The following BABAM2 variants were observed in gnomAD, a reference collection of about 807,000 sequenced individuals.
BABAM2 encodes the protein BRISC and BRCA1 A complex member 2, also known as BRISC and BRCA1-A complex member 2.
Under a neutral mutation model 54.7 loss-of-function variants are expected in BABAM2, and 31 were observed. That is an observed-to-expected ratio of 0.57 (90% CI 0.43 to 0.77). BABAM2 has a LOEUF of 0.77. Among genes scored for constraint, BABAM2 ranks in the 30% least tolerant of loss-of-function variants. The pLI is 0.00. For synonymous variants in BABAM2, 167 were observed against 162.9 expected (o/e 1.03, Z -0.19); for missense variants, 364 against 455.8 (o/e 0.80, Z 1.83).
chr2:28,028,504 A>G (rs1274287765), intron 5 of BABAM2, among the ~76,000 whole-genome samples: 1 of 150,968 alleles, frequency 6.6e-6, no homozygotes, highest in Non-Finnish European at 1.5e-5. Context: ...GATTATGTTT[A>G]TTGTGTGTCT....
intron 6 of BABAM2, among the ~76,000 whole-genome samples, chr2:28,083,101 G>A (rs1665323596): frequency 6.6e-6 from 1 of 151,992 alleles, no homozygotes; most frequent in South Asian, 2.1e-4. Context: ...CTCCATTTCT[G>A]CTCCCCACCT....
chr2:28,182,909 G>A (rs183571791), intron 7 of BABAM2, among the ~76,000 whole-genome samples: 1 of 152,140 alleles, frequency 6.6e-6, no homozygotes, highest in Admixed American at 6.5e-5. Context: ...AGTGTCCCTC[G>A]TGCTTGAAAA....
At chr2:28,287,050 TCA>T (rs1449292039) in intron 10 of BABAM2, among the ~76,000 whole-genome samples, 4 of 152,324 alleles carry the variant, frequency 2.6e-5, no homozygotes, top group South Asian at 4.2e-4. Flanking sequence ...TCTAACTGCT[TCA>T]TTCTAATTTT....
intron 8 of BABAM2, among the ~76,000 whole-genome samples, chr2:28,239,971 CA>C (rs1168283934): frequency 6.6e-6 from 1 of 152,072 alleles, no homozygotes; most frequent in Non-Finnish European, 1.5e-5. Flanking sequence ...GTTTTCTTGC[CA>C]AAAATGTTCA....
chr2:27,987,645 T>C (rs1672495048), intron 3 of BABAM2, among the ~76,000 whole-genome samples: 1 of 151,752 alleles, frequency 6.6e-6, no homozygotes, highest in Non-Finnish European at 1.5e-5. Context: ...CGAAACCCCA[T>C]CTCTAATAAA....
At chr2:28,033,158 A>G (rs1676420459) in intron 5 of BABAM2, among the ~76,000 whole-genome samples, 1 of 152,228 alleles carries the variant, frequency 6.6e-6, no homozygotes, top group Non-Finnish European at 1.5e-5. Flanking sequence ...CTGTTTTGAT[A>G]TATCAAAAAA....
At chr2:28,043,476 C>T (rs931276032) in intron 5 of BABAM2, among the ~76,000 whole-genome samples, 2 of 152,124 alleles carry the variant, frequency 1.3e-5, no homozygotes, top group Admixed American at 6.5e-5. Flanking sequence ...TGGCACTGTA[C>T]ACAGTGCTAA....
chr2:28,297,457 A>T (rs1254699971), intron 10 of BABAM2, among the ~76,000 whole-genome samples: 3 of 152,214 alleles, frequency 2.0e-5, no homozygotes, highest in Admixed American at 1.3e-4. Context: ...ACCTTTAAGA[A>T]TGTGTTATTG....
At chr2:27,950,550 G>T (rs1294761171) in intron 3 of BABAM2, among the ~76,000 whole-genome samples, 6 of 152,038 alleles carry the variant, frequency 3.9e-5, no homozygotes, top group African/African-American at 1.4e-4. Flanking sequence ...GATTTAATTT[G>T]CTAAAGTTTT....
intron 3 of BABAM2, among the ~76,000 whole-genome samples, chr2:27,945,255 C>T (rs1669213935): frequency 6.6e-6 from 1 of 152,050 alleles, no homozygotes; most frequent in Admixed American, 6.5e-5. Context: ...TCTCGAACTC[C>T]TGGCCTAAAG....
chr2:28,074,565 A>G (rs1216123673), intron 6 of BABAM2, among the ~76,000 whole-genome samples: 1 of 152,234 alleles, frequency 6.6e-6, no homozygotes, highest in Non-Finnish European at 1.5e-5. Context: ...GTTTGTGAAT[A>G]AAACAGGGTT....
chr2:27,927,693 G>C (rs533742931), intron 2 of BABAM2, among the ~76,000 whole-genome samples: 3 of 152,194 alleles, frequency 2.0e-5, no homozygotes, highest in African/African-American at 7.2e-5. Context: ...CTTAAAACCT[G>C]TGAAATATAA....
chr2:28,170,228 A>G (rs1168559426), intron 7 of BABAM2, among the ~76,000 whole-genome samples: 1 of 152,148 alleles, frequency 6.6e-6, no homozygotes, highest in Non-Finnish European at 1.5e-5. Flanking sequence ...TTCTGATTAT[A>G]TAAATAATAT....
chr2:28,022,382 A>G (rs1158367305), intron 4 of BABAM2, among the ~76,000 whole-genome samples: 1 of 152,274 alleles, frequency 6.6e-6, no homozygotes, highest in Non-Finnish European at 1.5e-5. Flanking sequence ...TTACACGTGA[A>G]TGTGAGCAGT....
intron 3 of BABAM2, among the ~76,000 whole-genome samples, chr2:27,969,405 T>C (rs563060142): frequency 6.6e-6 from 1 of 152,206 alleles, no homozygotes; most frequent in South Asian, 2.1e-4. Flanking sequence ...AAGAGTAGGT[T>C]ATTGCTGTTG....
At chr2:28,253,317 G>A (rs1683667766) in intron 10 of BABAM2, among the ~76,000 whole-genome samples, 1 of 151,632 alleles carries the variant, frequency 6.6e-6, no homozygotes, top group Non-Finnish European at 1.5e-5. Flanking sequence ...CATGAGAATT[G>A]CTTGAACCCA....
rs70956009 is a variant in BABAM2 at position 28,259,074 on chromosome 2, CTTTTTTTTTTTTTTTTTTTT to C, written c.934+14225_934+14244del. On this transcript the variant is annotated intron_variant, in intron 10 of 11. Transcript: ENST00000379624. ...ACAGGCTTCAGCCACTGCACCTGGC[CTTTTTTTTTTTTTTTTTTTT>C]TTTTTTTTTTTTCAGACTGAGTCTT... Among the ~76,000 whole-genome samples the C allele has an allele frequency of 6.1e-3, 142 of 23,444 alleles. 2 individuals are homozygous for C. The highest frequency in any genetic ancestry group is 0.025 in the African/African-American group (140 of 5,610). 15.4% of individuals were successfully genotyped at this position (23,444 alleles called of 152,430 possible).
At chr2:28,284,323 C>CGA (rs1686620976) in intron 10 of BABAM2, among the ~76,000 whole-genome samples, 1 of 150,220 alleles carries the variant, frequency 6.7e-6, no homozygotes. Context: ...GAAAACAAAA[C>CGA]AAAAAGCTGG....
chr2:28,142,140 C>A (rs949733379), intron 7 of BABAM2, among the ~76,000 whole-genome samples: 1 of 152,102 alleles, frequency 6.6e-6, no homozygotes, highest in Admixed American at 6.6e-5. Flanking sequence ...ATAATTTGAT[C>A]CTGGTATGTC....
Sources: allele counts gnomAD v4.1 joint callset (sites outside exome capture counted in the v4.1 genomes callset), GRCh38; gene constraint gnomAD v4.1.1; transcripts MANE v1.5; gene names NCBI Gene and HGNC (gene_info 2026-07-23, HGNC 2026-07-21).